NLRP4: variants seen among roughly 807,000 people sequenced by gnomAD.
The protein encoded by NLRP4 is NLR family pyrin domain containing 4, also known as NACHT, LRR and PYD domains-containing protein 4.
A neutral mutation model predicts 84.7 loss-of-function variants in NLRP4; 44 were observed. That is an observed-to-expected ratio of 0.52 (90% CI 0.41 to 0.67). The LOEUF is 0.67. Ranked by LOEUF, NLRP4 falls within the 30% of genes least tolerant of loss-of-function variation. The pLI is 0.00. For synonymous variants in NLRP4, 544 were observed against 476.4 expected (o/e 1.14, Z -1.85); for missense variants, 1,260 against 1,219.4 (o/e 1.03, Z -0.50).
At chr19:55,861,654 A>G in intron 4 of NLRP4, 107 bp downstream of exon 4, 1 of 1,056,520 alleles carries the variant, frequency 9.5e-7, no homozygotes, top group Non-Finnish European at 1.4e-6. Flanking sequence ...ATTAACATCC[A>G]GAGCAGTTGC....
chr19:55,839,987 T>C (rs1214335924), intron 1 of NLRP4, among the ~76,000 whole-genome samples: 5 of 152,222 alleles, frequency 3.3e-5, no homozygotes, highest in African/African-American at 9.6e-5. Context: ...TTTCTTAATT[T>C]TGGAATGTCC....
chr19:55,842,823 G>A lies in NLRP4; in HGVS notation c.-66+5889G>A, dbSNP rs181912727. On this transcript the variant is annotated intron_variant, in intron 1 of 9. Coordinates refer to ENST00000301295, the MANE Select transcript of NLRP4 (RefSeq NM_134444.5). Reference sequence around the variant, plus strand: ...CACCCAGGCTGGAGTGGAGAGGTGCGATCTCAGCTCACTGCAAGCTCTGCC... The same window carrying A: ...CACCCAGGCTGGAGTGGAGAGGTGCAATCTCAGCTCACTGCAAGCTCTGCC... Among the ~76,000 whole-genome samples the A allele has an allele frequency of 2.8e-4, 43 of 151,952 alleles. 1 individual carries two copies. In the East Asian group the frequency reaches 5.4e-3, roughly 19 times the overall value.
chr19:55,865,931 G>A (rs1238564712), intron 5 of NLRP4, among the ~76,000 whole-genome samples: 1 of 152,176 alleles, frequency 6.6e-6, no homozygotes, highest in African/African-American at 2.4e-5. Context: ...CTGATGAGAT[G>A]CACTTTATTT....
At chr19:55,878,374 C>T (rs1329247900) in intron 8 of NLRP4, among the ~76,000 whole-genome samples, 1 of 152,204 alleles carries the variant, frequency 6.6e-6, no homozygotes, top group East Asian at 1.9e-4. Flanking sequence ...GAGCCATGGT[C>T]ATGCTGCTGC....
At chr19:55,866,890 A>G (rs946959490) in intron 5 of NLRP4, among the ~76,000 whole-genome samples, 11 of 152,188 alleles carry the variant, frequency 7.2e-5, no homozygotes, top group African/African-American at 2.7e-4. Flanking sequence ...GGGAATGGGT[A>G]GGACCCTTGT....
intron 8 of NLRP4, 147 bp from the exon 9 acceptor site, chr19:55,878,647 C>T (rs536720719): frequency 1.0e-4 from 60 of 594,760 alleles, no homozygotes; most frequent in Admixed American, 4.6e-4. Context: ...TACCCACAGA[C>T]GCGTGATCTG....
chr19:55,876,079 C>T (rs1254077151), intron 7 of NLRP4, among the ~76,000 whole-genome samples: 1 of 152,034 alleles, frequency 6.6e-6, no homozygotes, highest in Non-Finnish European at 1.5e-5. Flanking sequence ...AATGTGTCAT[C>T]TAAAGTTTTA....
chr19:55,856,290 A>G (rs553102981), intron 2 of NLRP4, among the ~76,000 whole-genome samples: 2 of 151,880 alleles, frequency 1.3e-5, no homozygotes, highest in South Asian at 4.2e-4. Context: ...CACTGCGCCC[A>G]GCCAACTACA....
intron 7 of NLRP4, among the ~76,000 whole-genome samples, chr19:55,873,059 A>G (rs1239772677): frequency 6.6e-6 from 1 of 152,228 alleles, no homozygotes; most frequent in Admixed American, 6.5e-5. Context: ...TATAGCCACC[A>G]AAAACTATCA....
At chr19:55,870,007 A>G (rs938360603) in intron 6 of NLRP4, among the ~76,000 whole-genome samples, 2 of 151,988 alleles carry the variant, frequency 1.3e-5, no homozygotes, top group Admixed American at 6.6e-5. Context: ...CTGAGGTGGG[A>G]GGATCCCTTG....
intron 6 of NLRP4, among the ~76,000 whole-genome samples, chr19:55,870,264 C>T (rs2123056546): frequency 6.6e-6 from 1 of 152,288 alleles, no homozygotes; most frequent in Non-Finnish European, 1.5e-5. Context: ...AGAATTAGAA[C>T]CAAAATTAAA....
rs1211234816 is a variant in NLRP4 at position 55,861,904 on chromosome 19, T to G, written c.2019-88T>G. On this transcript the variant is annotated intron_variant, in intron 4 of 9. Transcript: ENST00000301295. The stretch of plus-strand genomic sequence containing the variant: ...TGGGCTGTGAAATCAGAGAATGAGT[T>G]CATGATGGATGATGAGAGACAAACA... 3.3e-6 allele frequency: 3 copies of G among 920,572 alleles called. No homozygotes were observed. The African/African-American group carries it at 4.9e-5, about 15-fold the overall frequency. The allele number at this position is 920,572 out of a possible 1,614,324, so 57.0% of individuals were successfully genotyped here. A position where few individuals can be genotyped will look rare whatever the true frequency, so the allele number is the denominator to read the frequency against.
At position 55,859,060 on chromosome 19, in the gene NLRP4, G is replaced by A; in HGVS notation, c.1667G>A (p.Cys556Tyr). 1.2e-6 allele frequency: 2 copies of A among 1,613,812 alleles called. No homozygotes were observed. The highest frequency in any genetic ancestry group is 1.7e-6 in the Non-Finnish European group (2 of 1,179,712). ...GTGGATTCCTTGGCGATATTTTACT[G>A]TCTCTTTGAAATGCAGGATCCTGCC... Reference protein sequence around the residue: ...GQVDSLAIFYCLFEMQDPAFV... With the variant: ...GQVDSLAIFYYLFEMQDPAFV... Residue 556 changes from cysteine to tyrosine, a missense_variant, in exon 3 of 10, where the codon TGT (cysteine) becomes TAT (tyrosine). Transcript: ENST00000301295.
intron 1 of NLRP4, among the ~76,000 whole-genome samples, chr19:55,837,695 C>G (rs1242774211): frequency 2.0e-5 from 3 of 151,940 alleles, no homozygotes; most frequent in Non-Finnish European, 2.9e-5. Context: ...CGAGGTCATA[C>G]TGGAGTGAGT....
intron 1 of NLRP4, among the ~76,000 whole-genome samples, chr19:55,843,619 G>A (rs188138773): frequency 1.3e-5 from 2 of 152,196 alleles, no homozygotes; most frequent in East Asian, 1.9e-4. Context: ...TTGAACCTGG[G>A]AGGTGGAGTT....
At position 55,852,477 on chromosome 19, in the gene NLRP4, T is replaced by TG. The variant is rs1491421834; in HGVS notation, c.280+117_280+118insG. ...GAATGTGCTATGGGAAAATATTAGG[T>TG]TTTTTTTTTTTTTTTTTTGGTAGAC... On this transcript the variant is annotated intron_variant, in intron 2 of 9. Coordinates refer to ENST00000301295, the MANE Select transcript of NLRP4 (RefSeq NM_134444.5). 5 of 88,756 alleles carry TG rather than the reference T, an allele frequency of 5.6e-5. No homozygotes were observed. The African/African-American group carries it at 1.0e-3, about 18-fold the overall frequency. 5.5% of individuals were successfully genotyped at this position (88,756 alleles called of 1,614,324 possible).
intron 1 of NLRP4, among the ~76,000 whole-genome samples, chr19:55,851,647 T>C (rs1239949975): frequency 3.0e-5 from 4 of 133,914 alleles, no homozygotes; most frequent in African/African-American, 1.1e-4. Context: ...TGCGGTGTAA[T>C]GTCCGAGGCT....
chr19:55,840,051 CTT>C (rs1983547887), intron 1 of NLRP4, among the ~76,000 whole-genome samples: 1 of 152,148 alleles, frequency 6.6e-6, no homozygotes, highest in African/African-American at 2.4e-5. Flanking sequence ...TTCTGTGTAA[CTT>C]ATATTATTTG....
chr19:55,843,868 A>C (rs892665502), intron 1 of NLRP4, among the ~76,000 whole-genome samples: 1 of 152,076 alleles, frequency 6.6e-6, no homozygotes, highest in African/African-American at 2.4e-5. Context: ...GGAGCCAGTA[A>C]CAAGTGTTAG....
Sources: gnomAD v4.1 joint callset for allele counts (sites outside exome capture counted in the v4.1 genomes callset) on GRCh38, gnomAD v4.1.1 for gene constraint, MANE v1.5 for transcripts, NCBI Gene and HGNC (gene_info 2026-07-23, HGNC 2026-07-21) for gene names.